The following RARB variants were observed in gnomAD, a reference collection of about 807,000 sequenced individuals.
The protein encoded by RARB is HBV-activated protein.
In RARB, 17 loss-of-function variants were observed where a neutral mutation model predicts 51.9. The observed-to-expected ratio is 0.33, with a 90% confidence interval of 0.22 to 0.49. RARB has a LOEUF of 0.49. RARB is among the 20% of genes least tolerant of loss of function. The probability of loss-of-function intolerance (pLI) is 0.99; values close to 1 mark genes in which losing one functional copy is unlikely to be tolerated. For missense variants in RARB, 369 were observed against 550.8 expected (o/e 0.67, Z 3.30); for synonymous variants, 215 against 195.4 (o/e 1.10, Z -0.84).
At position 25,209,731 on chromosome 3, in the gene RARB, T is replaced by TA. The variant is rs547389576; in HGVS notation, c.178+35165dup. On this transcript the variant is annotated intron_variant, in intron 5 of 11. Coordinates refer to the RARB transcript ENST00000383772. The stretch of plus-strand genomic sequence containing the variant: ...CCCTGCCACCATGTCACTTTGAAAA[T>TA]AAAAAAAAAGACCAAGTTCTCAGAC... Among the ~76,000 whole-genome samples, 1,421 of 150,842 alleles carry TA rather than the reference T, an allele frequency of 9.4e-3. 20 individuals carry two copies. Among genetic ancestry groups the TA allele is most frequent in the African/African-American group, 0.033 (1,364 of 41,134 alleles).
intron 5 of RARB, among the ~76,000 whole-genome samples, chr3:25,313,158 A>G (rs576869672): frequency 6.6e-6 from 1 of 152,258 alleles, no homozygotes; most frequent in South Asian, 2.1e-4. Context: ...TTTTCCCAGC[A>G]TTAATCCTTT....
At chr3:25,232,310 C>A (rs1380560909) in intron 5 of RARB, among the ~76,000 whole-genome samples, 2 of 152,068 alleles carry the variant, frequency 1.3e-5, no homozygotes, top group African/African-American at 4.8e-5. Flanking sequence ...AACTTCAGTT[C>A]CTTTGACTTT....
intron 5 of RARB, among the ~76,000 whole-genome samples, chr3:25,385,766 T>C (rs1706775304): frequency 6.6e-6 from 1 of 152,186 alleles, no homozygotes; most frequent in African/African-American, 2.4e-5. Flanking sequence ...CCCTTTCTGT[T>C]ACCCAAGGGC....
intron 5 of RARB, among the ~76,000 whole-genome samples, chr3:25,273,882 T>C (rs544851672): frequency 3.9e-5 from 6 of 152,332 alleles, no homozygotes; most frequent in African/African-American, 1.4e-4. Context: ...CTCCAGGTTA[T>C]GGGTGCAGGC....
intron 5 of RARB, among the ~76,000 whole-genome samples, chr3:25,353,402 C>CATT (rs1705636600): frequency 6.6e-6 from 1 of 152,138 alleles, no homozygotes; most frequent in Non-Finnish European, 1.5e-5. Flanking sequence ...CAATGACAAA[C>CATT]ATTACACTGG....
intron 3 of RARB, among the ~76,000 whole-genome samples, chr3:25,562,464 G>C (rs1484037916): frequency 6.6e-6 from 1 of 152,102 alleles, no homozygotes; most frequent in Admixed American, 6.5e-5. Flanking sequence ...TGCCTCTTTG[G>C]ACAGGATTTA....
At chr3:24,954,137 C>T (rs1695958182) in intron 2 of RARB, among the ~76,000 whole-genome samples, 1 of 152,106 alleles carries the variant, frequency 6.6e-6, no homozygotes, top group Admixed American at 6.6e-5. Context: ...ATGGGTACCT[C>T]TGGGAATTAT....
At chr3:25,483,676 G>T (rs1237382797) in intron 2 of RARB, among the ~76,000 whole-genome samples, 2 of 152,078 alleles carry the variant, frequency 1.3e-5, no homozygotes, top group Non-Finnish European at 2.9e-5. Context: ...CCAGAGATAA[G>T]AGCAAGGGAG....
chr3:25,173,965 A>G (rs920454215), intron 4 of RARB, among the ~76,000 whole-genome samples: 2 of 152,222 alleles, frequency 1.3e-5, no homozygotes, highest in African/African-American at 4.8e-5. Flanking sequence ...TTAGAATGTG[A>G]GAAAAGAAAA....
chr3:25,099,202 C>T (rs963299969), intron 3 of RARB, among the ~76,000 whole-genome samples: 8 of 152,122 alleles, frequency 5.3e-5, no homozygotes, highest in African/African-American at 7.2e-5. Flanking sequence ...TATAGCAGTT[C>T]GTTTGTCTGA....
chr3:25,004,490 C>A (rs913417504), intron 2 of RARB, among the ~76,000 whole-genome samples: 12 of 152,106 alleles, frequency 7.9e-5, no homozygotes, highest in African/African-American at 2.9e-4. Context: ...AAGGGCTGAA[C>A]TTGCCCTTTT....
intron 2 of RARB, among the ~76,000 whole-genome samples, chr3:24,913,149 TTTG>T (rs1245960799): frequency 6.6e-6 from 1 of 151,066 alleles, no homozygotes; most frequent in Non-Finnish European, 1.5e-5. Flanking sequence ...CCCGGCTAAT[TTTG>T]TTTTTGTATT....
rs144730498 is a variant in RARB, at chr3:25,241,115, A to G, written c.178+66540A>G. Among the ~76,000 whole-genome samples the G allele has an allele frequency of 3.2e-3, 488 of 152,172 alleles. 5 individuals carry two copies. The highest frequency in any genetic ancestry group is 0.011 in the African/African-American group (458 of 41,538). ...CCTGGGTTTTCCAGTTTATTTGTGT[A>G]TAGTTGTTCATAATAGTCTCTGATG... On this transcript the variant is annotated intron_variant, in intron 5 of 11. Coordinates refer to the RARB transcript ENST00000383772.
intron 2 of RARB, among the ~76,000 whole-genome samples, chr3:25,005,688 G>T (rs999536678): frequency 7.2e-5 from 11 of 152,004 alleles, no homozygotes; most frequent in Admixed American, 1.3e-4. Context: ...GTGTGGGAGG[G>T]GACTACACAA....
In RARB at chr3:24,865,121, T is replaced by C. The variant is rs189267629; in HGVS notation, c.-380+6369T>C. Among the ~76,000 whole-genome samples the C allele has an allele frequency of 1.5e-3, 231 of 152,300 alleles. 1 individual carries two copies. The highest frequency in any genetic ancestry group is 5.1e-3 in the African/African-American group (211 of 41,570). ...GGGTCCCTTCATTACCTACAGATAA[T>C]ATTCATCAACTTGAATAAATTATAG... On this transcript the variant is annotated intron_variant, in intron 2 of 11. Coordinates refer to the RARB transcript ENST00000383772.
At chr3:25,492,972 G>A (rs928656490) in intron 2 of RARB, among the ~76,000 whole-genome samples, 1 of 151,030 alleles carries the variant, frequency 6.6e-6, no homozygotes, top group South Asian at 2.2e-4. Context: ...TCCTGATGGG[G>A]ATTTATTACC....
chr3:24,967,732 C>T (rs1259934941), intron 2 of RARB, among the ~76,000 whole-genome samples: 1 of 152,114 alleles, frequency 6.6e-6, no homozygotes, highest in Admixed American at 6.6e-5. Flanking sequence ...TTGGATTCAT[C>T]ATCTTTGACC....
intron 5 of RARB, among the ~76,000 whole-genome samples, chr3:25,281,935 G>C (rs928983720): frequency 6.6e-6 from 1 of 152,182 alleles, no homozygotes; most frequent in Non-Finnish European, 1.5e-5. Flanking sequence ...ATATATTTAA[G>C]TGCCTGCTCT....
intron 3 of RARB, among the ~76,000 whole-genome samples, chr3:25,540,885 C>G (rs892690502): frequency 2.1e-5 from 2 of 93,916 alleles, no homozygotes; most frequent in African/African-American, 1.6e-4. Context: ...GGGGCTTCCT[C>G]CTTAATGGCT....
Sources: gnomAD v4.1 joint callset for allele counts (sites outside exome capture counted in the v4.1 genomes callset) on GRCh38, gnomAD v4.1.1 for gene constraint, MANE v1.5 for transcripts, NCBI Gene and HGNC (gene_info 2026-07-23, HGNC 2026-07-21) for gene names.